The following PIDD1 variants were observed in gnomAD, a reference collection of about 807,000 sequenced individuals.
PIDD1 encodes the protein p53-induced death domain-containing protein 1.
PIDD1 carries 72 observed loss-of-function variants against 80.0 expected under a neutral mutation model. That is an observed-to-expected ratio of 0.90 (90% CI 0.74 to 1.09). PIDD1 has a LOEUF of 1.09. Ranked by LOEUF, PIDD1 falls within the 50% of genes least tolerant of loss-of-function variation. The pLI, the probability that PIDD1 is intolerant of heterozygous loss-of-function variation, is 0.00. For synonymous variants in PIDD1, 655 were observed against 543.5 expected (o/e 1.21, Z -2.85); for missense variants, 1,329 against 1,228.3 (o/e 1.08, Z -1.23).
chr11:807,636 G>A (rs1197536588), upstream of PIDD1, among the ~76,000 whole-genome samples: 1 of 152,096 alleles, frequency 6.6e-6, no homozygotes, highest in Non-Finnish European at 1.5e-5. Flanking sequence ...ACTTAGCCGG[G>A]CGCGGTAGCA....
chr11:808,756 G>A (rs1475278890), upstream of PIDD1, among the ~76,000 whole-genome samples: 3 of 152,214 alleles, frequency 2.0e-5, no homozygotes, highest in East Asian at 5.8e-4. Flanking sequence ...CTTTACCCCA[G>A]ATGTGTGACC....
At position 800,664 on chromosome 11, in the gene PIDD1, C is replaced by G. The variant is rs1464990218; in HGVS notation, c.1920G>C (p.Val640=). ...VLLQCLPRNK[V]DATLRRLLER... ...CCAGCAGCCGCCGAAGGGTGGCGTC[C>G]ACCTGCGGGGAAGCCCGTGCAGCTC... The change falls in exon 12 of 16, where the codon GTG becomes GTC. Residue 640 remains valine (V), a splice_region_variant and synonymous_variant. Coordinates refer to ENST00000347755, the MANE Select transcript of PIDD1 (RefSeq NM_145886.4). The G allele has an allele frequency of 6.3e-7, 1 of 1,581,930 alleles. No individual in the cohort carries two copies. Among genetic ancestry groups the G allele is most frequent in the African/African-American group, 1.3e-5 (1 of 74,562 alleles).
Position 802,745 on chromosome 11 carries a change from G to C in PIDD1, c.856C>G (p.Pro286Ala). 1 of 1,611,474 alleles carries C rather than the reference G, an allele frequency of 6.2e-7. No individual in the cohort carries two copies. Among genetic ancestry groups the C allele is most frequent in the Non-Finnish European group, 8.5e-7 (1 of 1,179,352 alleles). Residue 286 changes from proline (P) to alanine (A), a missense_variant, in exon 4 of 16, where the codon CCC (proline) becomes GCC (alanine). Pro to Ala is a conservative substitution (Grantham distance 27). Coordinates refer to ENST00000347755, the MANE Select transcript of PIDD1 (RefSeq NM_145886.4). ...RDLPPELLDA[P>A]FVRLQGNPLG... ...GGGTTCCCCTGCAGGCGCACAAAGG[G>C]GGCGTCTAGCAGCTCAGGGGGCAGG... is the stretch of plus-strand genomic sequence containing the variant.
Position 800,317 on chromosome 11 carries a change from C to T in PIDD1, c.2160+16G>A, listed in dbSNP as rs1865161200. The T allele has an allele frequency of 4.3e-6, 7 of 1,612,674 alleles. No homozygotes were observed. Among genetic ancestry groups the T allele is most frequent in the East Asian group, 4.5e-5 (2 of 44,888 alleles). On this transcript the variant is annotated intron_variant, in intron 13 of 15. Transcript: ENST00000347755. ...GGCCTGGGGGGCCTCTCCCCTCACC[C>T]ACTCCCCTCGCCCACCTGGCCCCGC... is the stretch of plus-strand genomic sequence containing the variant.
intron 11 of PIDD1, 29 bp downstream of exon 11, chr11:800,733 C>T (rs1865225989): frequency 6.5e-7 from 1 of 1,545,062 alleles, no homozygotes; most frequent in Non-Finnish European, 8.7e-7. Context: ...CTGGTCACCA[C>T]CCTGCTGCCC....
In PIDD1 at chr11:799,359, G is replaced by C. The variant is rs1311614890; in HGVS notation, c.2681C>G (p.Pro894Arg). The C allele has an allele frequency of 6.2e-7, 1 of 1,611,174 alleles. No individual in the cohort carries two copies. Among genetic ancestry groups the C allele is most frequent in the Non-Finnish European group, 8.5e-7 (1 of 1,179,696 alleles). Residue 894 changes from proline (P) to arginine (R), a missense_variant, in exon 16 of 16, where the codon CCC becomes CGC. Coordinates refer to ENST00000347755, the MANE Select transcript of PIDD1 (RefSeq NM_145886.4). ...TGGAGCCGAGGAGCCAGGCAGAGCG[G>C]GGTCCTTGGGGGCCAAGCCCATGCG... The part of the protein sequence containing the change: ...IRRMGLAPKD[P>R]ALPGSSAPQP...
upstream of PIDD1, chr11:805,296 C>A: frequency 1.2e-6 from 1 of 860,906 alleles, no homozygotes; most frequent in Non-Finnish European, 1.4e-6. Context: ...GGCCCCGCCC[C>A]CTCGGGACGC....
chr11:802,958 C>A, intron 3 of PIDD1, 67 bp from the exon 4 acceptor site: 1 of 1,355,538 alleles, frequency 7.4e-7, no homozygotes, highest in South Asian at 1.3e-5. Context: ...CTCCTGCTGC[C>A]GCCTCCCAGA....
chr11:808,557 G>A (rs1043177256), upstream of PIDD1, among the ~76,000 whole-genome samples: 6 of 152,324 alleles, frequency 3.9e-5, no homozygotes, highest in Admixed American at 2.6e-4. Flanking sequence ...AATTTTAGCC[G>A]GGTGTGGTGG....
chr11:800,974 G>A lies in PIDD1; in HGVS notation c.1766+11C>T, dbSNP rs770477516. 4 of 1,585,604 alleles carry A rather than the reference G, an allele frequency of 2.5e-6. No homozygotes were observed. The highest frequency in any genetic ancestry group is 2.3e-5 in the East Asian group (1 of 44,368). ...GGGGGAGGGGGGCTGAGAAAGCTGG[G>A]GGGCACTGACCAGGAGAAGTGTGTG... is the stretch of plus-strand genomic sequence containing the variant. On this transcript the variant is annotated intron_variant, in intron 10 of 15. Coordinates refer to ENST00000347755, the MANE Select transcript of PIDD1 (RefSeq NM_145886.4).
chr11:808,872 G>T (rs1183914045), upstream of PIDD1, among the ~76,000 whole-genome samples: 1 of 152,226 alleles, frequency 6.6e-6, no homozygotes, highest in Non-Finnish European at 1.5e-5. Context: ...AGTGCTTGAC[G>T]TATACACACC....
At position 801,548 on chromosome 11, in the gene PIDD1, A is replaced by T; in HGVS notation, c.1379T>A (p.Leu460Gln). The change falls in exon 8 of 16, where the codon CTG (leucine) becomes CAG (glutamine). Residue 460 changes from leucine (L) to glutamine (Q), a missense_variant. By Grantham distance (113) the Leu-to-Gln change is moderately radical (BLOSUM62 -2). Transcript: ENST00000347755. Reference sequence around the variant, plus strand: ...CAGCAGTGTCCCCTCCGGTGGCACCAGGCAGGCATTGGACACAGGGCGGGA... The same window carrying T: ...CAGCAGTGTCCCCTCCGGTGGCACCTGGCAGGCATTGGACACAGGGCGGGA... ...VVSRPVSNAC[L>Q]VPPEGTLLCS... 1.9e-6 allele frequency: 3 copies of T among 1,568,460 alleles called. No individual in the cohort carries two copies. Among genetic ancestry groups the T allele is most frequent in the Non-Finnish European group, 2.6e-6 (3 of 1,156,722 alleles).
upstream of PIDD1, among the ~76,000 whole-genome samples, chr11:806,698 T>C (rs1031095552): frequency 1.3e-5 from 2 of 152,002 alleles, no homozygotes; most frequent in African/African-American, 4.8e-5. Flanking sequence ...TTCTCCTGCC[T>C]CAGCCTCCTG....
At chr11:801,166 C>T (rs1283038357) in intron 9 of PIDD1, 46 bp from the exon 10 acceptor site, 3 of 1,545,148 alleles carry the variant, frequency 1.9e-6, no homozygotes, top group Middle Eastern at 1.8e-4. Flanking sequence ...GGCCGGAGAC[C>T]CCCTCCACCC....
intron 1 of PIDD1, 63 bp downstream of exon 1, chr11:805,116 C>T: frequency 1.3e-6 from 1 of 742,294 alleles, no homozygotes; most frequent in Non-Finnish European, 1.6e-6. Flanking sequence ...GGGAACGGCC[C>T]CCAGCCTCCC....
In PIDD1 at chr11:800,357, C is replaced by T. The variant is rs775987479; in HGVS notation, c.2136G>A (p.Arg712=). 10 of 1,612,818 alleles carry T rather than the reference C, an allele frequency of 6.2e-6. No homozygotes were observed. Among genetic ancestry groups the T allele is most frequent in the African/African-American group, 1.3e-5 (1 of 74,950 alleles). The change falls in exon 13 of 16, where the codon CGG becomes CGA. Residue 712 remains arginine, a synonymous_variant. Transcript: ENST00000347755. The part of the protein sequence containing the change: ...KEVYVTTTLD[R]EAQAVRGQVS... ...CCTGGCCCCGCACAGCCTGAGCCTC[C>T]CGGTCCAGAGTGGTGGTCACGTATA... is the stretch of plus-strand genomic sequence containing the variant.
rs758818965 is a variant in PIDD1, at chr11:800,564, G to A, written c.2020C>T (p.Arg674Cys). 2.6e-5 allele frequency: 40 copies of A among 1,555,184 alleles called. No homozygotes were observed. In the South Asian group the frequency reaches 2.7e-4, roughly 10 times the overall value. ...EGEEFFAAFE[R>C]GIDVDADRPD... Reference sequence around the variant, plus strand: ...CTACCAGCATCCACGTCGATGCCGCGCTCGAAGGCCGCAAAGAACTCTTCG... The same window carrying A: ...CTACCAGCATCCACGTCGATGCCGCACTCGAAGGCCGCAAAGAACTCTTCG... The change falls in exon 12 of 16, where the codon CGC becomes TGC. Residue 674 changes from arginine to cysteine, a missense_variant. Transcript: ENST00000347755.
Position 799,803 on chromosome 11 carries a change from TG to T in PIDD1, c.2474+11del. ...CCTGGGGCTGGCAGCCAGCGGGCAG[TG>T]GGAGCCTCACCGGAACTCGTGCCGG... On this transcript the variant is annotated intron_variant, in intron 15 of 15. Coordinates refer to ENST00000347755, the MANE Select transcript of PIDD1 (RefSeq NM_145886.4). 1 of 1,549,656 alleles carries T rather than the reference TG, an allele frequency of 6.5e-7. No homozygotes were observed.
Position 800,971 on chromosome 11 carries a change from T to C in PIDD1, c.1766+14A>G. The C allele has an allele frequency of 1.9e-6, 3 of 1,538,980 alleles. No individual in the cohort carries two copies. Among genetic ancestry groups the C allele is most frequent in the Non-Finnish European group, 2.7e-6 (3 of 1,120,370 alleles). ...ACTGGGGGAGGGGGGCTGAGAAAGC[T>C]GGGGGGCACTGACCAGGAGAAGTGT... On this transcript the variant is annotated intron_variant, in intron 10 of 15. Transcript: ENST00000347755.
Sources: gnomAD v4.1 joint callset for allele counts (sites outside exome capture counted in the v4.1 genomes callset) on GRCh38, gnomAD v4.1.1 for gene constraint, MANE v1.5 for transcripts, NCBI Gene and HGNC (gene_info 2026-07-23, HGNC 2026-07-21) for gene names.